Variants in CELSR1 observed in about 807,000 individuals in gnomAD.
CELSR1 encodes cadherin EGF LAG seven-pass G-type receptor 1, also known as adhesion G protein-coupled receptor C1.
A neutral mutation model predicts 249.1 loss-of-function variants in CELSR1; 110 were observed. The observed-to-expected ratio is 0.44, with a 90% CI of 0.38 to 0.52. The LOEUF (loss-of-function observed/expected upper bound fraction) is 0.52. CELSR1 is among the 20% of genes least tolerant of loss of function. The pLI is 0.00. For missense variants in CELSR1, 4,109 were observed against 4,296.4 expected (o/e 0.96, Z 1.22); for synonymous variants, 2,113 against 1,900.0 (o/e 1.11, Z -2.92).
At chr22:46,385,884 A>G (rs1055134267) in intron 19 of CELSR1, among the ~76,000 whole-genome samples, 23 of 150,854 alleles carry the variant, frequency 1.5e-4, no homozygotes, top group African/African-American at 4.2e-4. Flanking sequence ...TCACCATGTT[A>G]GCCAGGATGG....
chr22:46,467,963 A>G (rs6007918), intron 1 of CELSR1, among the ~76,000 whole-genome samples: 7,419 of 152,180 alleles, frequency 0.049, 511 homozygotes, highest in African/African-American at 0.15. Flanking sequence ...ATTAGCATGT[A>G]CCGTTTGGGT....
At position 46,386,431 on chromosome 22, in the gene CELSR1, C is replaced by G. The variant is rs757607681; in HGVS notation, c.6710G>C (p.Arg2237Pro). 6.3e-7 allele frequency: 1 copy of G among 1,591,702 alleles called. No individual in the cohort carries two copies. ...VARNVRRTYL[R>P]PFVIVTANMI... Reference sequence around the variant, plus strand: ...GTTGGCGGTGACGATGACGAAGGGCCGCAGGTACGTCCGCCGCACGTTGCG... The same window carrying G: ...GTTGGCGGTGACGATGACGAAGGGCGGCAGGTACGTCCGCCGCACGTTGCG... Residue 2237 changes from arginine (R) to proline (P), a missense_variant, in exon 19 of 35, where the codon CGG (arginine) becomes CCG (proline). By Grantham distance (103) the Arg-to-Pro change is moderately radical. Coordinates refer to ENST00000674500, the MANE Select transcript of CELSR1 (RefSeq NM_001378328.1).
At chr22:46,370,187 G>T (rs1370602800) in intron 25 of CELSR1, 1 of 461,002 alleles carries the variant, frequency 2.2e-6, no homozygotes, top group South Asian at 1.6e-5. Context: ...GGCCATGATG[G>T]ACCCAAGGTG....
rs112253174 is a variant in CELSR1, at chr22:46,455,580, C to T, written c.4183+8127G>A. On this transcript the variant is annotated intron_variant, in intron 2 of 34. Coordinates refer to ENST00000674500, the MANE Select transcript of CELSR1 (RefSeq NM_001378328.1). Reference sequence around the variant, plus strand: ...CCACCCAAAGTGCTGGGATTTCAGGCGTGAACCACTGCACTTGGCTTGAGA... The same window carrying T: ...CCACCCAAAGTGCTGGGATTTCAGGTGTGAACCACTGCACTTGGCTTGAGA... 7.3e-3 allele frequency among the ~76,000 whole-genome samples: 1,119 copies of T among 152,248 alleles called. 11 individuals carry two copies. The highest frequency in any genetic ancestry group is 0.025 in the African/African-American group (1,046 of 41,556).
chr22:46,439,624 T>C (rs765161661), intron 2 of CELSR1, among the ~76,000 whole-genome samples: 2 of 152,064 alleles, frequency 1.3e-5, no homozygotes, highest in South Asian at 4.1e-4. Flanking sequence ...TGCACCCAGC[T>C]CCTGGTGGGC....
chr22:46,396,639 C>A lies in CELSR1; in HGVS notation c.5809G>T (p.Gly1937Trp). 1 of 1,608,116 alleles carries A rather than the reference C, an allele frequency of 6.2e-7. No homozygotes were observed. The highest frequency in any genetic ancestry group is 8.5e-7 in the Non-Finnish European group (1 of 1,177,230). The change falls in exon 13 of 35, where the codon GGG (glycine) becomes TGG (tryptophan). Residue 1937 changes from glycine to tryptophan, a missense_variant. Gly to Trp is a radical substitution (Grantham distance 184). This residue lies in a region of CELSR1 where 1,805 missense variants were observed against 1,831.6 expected (regional missense o/e 0.99). Transcript: ENST00000674500. The surrounding 1 kb of genome is among the most constrained non-coding windows in gnomAD (Gnocchi z 6.4). Reference protein sequence around the residue: ...GSPQGYVCECGPSHYGPYCEN... With the variant: ...GSPQGYVCECWPSHYGPYCEN... ...CAGTACGGCCCGTAGTGACTGGGCCCACACTCGCACACGTAGCCCTGCGGG... is the reference window on the plus strand; with the variant it reads ...CAGTACGGCCCGTAGTGACTGGGCCAACACTCGCACACGTAGCCCTGCGGG...
In CELSR1 at chr22:46,396,796, C is replaced by T; in HGVS notation, c.5702-50G>A. 1.3e-6 allele frequency: 2 copies of T among 1,589,910 alleles called. No individual in the cohort carries two copies. The highest frequency in any genetic ancestry group is 1.7e-6 in the Non-Finnish European group (2 of 1,168,252). ...CTCCACCCACAATCCACGAGACCTT[C>T]CACGTTAAAATATCTGGAGCAACCT... On this transcript the variant is annotated intron_variant, in intron 12 of 34. Transcript: ENST00000674500. This position sits in a 1 kb window ranked among gnomAD's most constrained non-coding sequence, Gnocchi z 6.4.
Position 46,380,951 on chromosome 22 carries a change from G to A in CELSR1, c.7093C>T (p.Pro2365Ser), listed in dbSNP as rs147860966. 3.1e-6 allele frequency: 5 copies of A among 1,611,682 alleles called. No homozygotes were observed. The African/African-American group carries it at 5.3e-5, about 17-fold the overall frequency. Residue 2365 changes from proline (P) to serine (S), a missense_variant, in exon 22 of 35, where the codon CCT becomes TCT. By Grantham distance (74) the Pro-to-Ser change is moderately conservative. This residue lies in a region of CELSR1 where 1,805 missense variants were observed against 1,831.6 expected (regional missense o/e 0.99). Transcript: ENST00000674500. The surrounding 1 kb of genome is among the most constrained non-coding windows in gnomAD (Gnocchi z 5.1). ...YDPDRRSLRL[P>S]HRPIINTPMV... ...GGGGTATTAATGATGGGCCGGTGAG[G>A]CAACCTGAGGTCAAGAAGCCAGAGC...
rs184789127 is a variant in CELSR1 at position 46,407,397 on chromosome 22, A to T, written c.5226+1599T>A. ...GTAATCCCAGCACTTTGGGAGGCGG[A>T]GGCGAGTGGATCACCTGAGGTCAGG... On this transcript the variant is annotated intron_variant, in intron 9 of 34. Transcript: ENST00000674500. This position sits in a 1 kb window ranked among gnomAD's most constrained non-coding sequence, Gnocchi z 4.8. 2.0e-5 allele frequency among the ~76,000 whole-genome samples: 3 copies of T among 152,308 alleles called. No homozygotes were observed. The highest frequency in any genetic ancestry group is 2.0e-4 in the Admixed American group (3 of 15,300).
At position 46,413,979 on chromosome 22, in the gene CELSR1, C is replaced by G. The variant is rs1204210183; in HGVS notation, c.4612-2220G>C. On this transcript the variant is annotated intron_variant, in intron 5 of 34. Coordinates refer to ENST00000674500, the MANE Select transcript of CELSR1 (RefSeq NM_001378328.1). This position sits in a 1 kb window ranked among gnomAD's most constrained non-coding sequence, Gnocchi z 4.7. ...CTGGGAAGGCTTTCATGACATTAAG[C>G]TACTGTTTACAAAACTGCAGTTGCT... Among the ~76,000 whole-genome samples the G allele has an allele frequency of 6.6e-6, 1 of 152,186 alleles. No individual in the cohort carries two copies. The highest frequency in any genetic ancestry group is 2.4e-5 in the African/African-American group (1 of 41,438).
Position 46,445,454 on chromosome 22 carries a change from C to A in CELSR1, c.4184-6043G>T, listed in dbSNP as rs144857489. Among the ~76,000 whole-genome samples, 4 of 152,258 alleles carry A rather than the reference C, an allele frequency of 2.6e-5. No homozygotes were observed. Among genetic ancestry groups the A allele is most frequent in the African/African-American group, 9.6e-5 (4 of 41,536 alleles). ...GATTGCGGTGAACCAAAAATTGCAC[C>A]ATTGCACTCCAGCCTGGGTGACAGA... On this transcript the variant is annotated intron_variant, in intron 2 of 34. Transcript: ENST00000674500. The surrounding 1 kb of genome is among the most constrained non-coding windows in gnomAD (Gnocchi z 4.4).
rs185332037 is a variant in CELSR1 at position 46,385,879 on chromosome 22, A to G, written c.6739+523T>C. ...TTTTTAGTAGAGACGGGGTTTCACCATGTTAGCCAGGATGGTCTTGATCTC... is the reference window on the plus strand; with the variant it reads ...TTTTTAGTAGAGACGGGGTTTCACCGTGTTAGCCAGGATGGTCTTGATCTC... On this transcript the variant is annotated intron_variant, in intron 19 of 34. Transcript: ENST00000674500. Among the ~76,000 whole-genome samples, 538 of 151,140 alleles carry G rather than the reference A, an allele frequency of 3.6e-3. 2 individuals carry two copies. The highest frequency in any genetic ancestry group is 0.014 in the Middle Eastern group (4 of 290).
intron 2 of CELSR1, among the ~76,000 whole-genome samples, chr22:46,456,907 G>A (rs1428371609): frequency 8.4e-6 from 1 of 119,194 alleles, no homozygotes; most frequent in Non-Finnish European, 1.6e-5. Context: ...GGGGGGTGGG[G>A]GGCTCATACA....
Position 46,410,453 on chromosome 22 carries a change from G to C in CELSR1, c.4878C>G (p.Val1626=). The change falls in exon 7 of 35, where the codon GTC becomes GTG. Residue 1626 remains valine (V), a synonymous_variant. Coordinates refer to ENST00000674500, the MANE Select transcript of CELSR1 (RefSeq NM_001378328.1). This position sits in a 1 kb window ranked among gnomAD's most constrained non-coding sequence, Gnocchi z 6.8. ...QFVGCMRNLS[V]DGKNVDMAGF... is the part of the protein sequence containing the mutation. ...CGGCCATGTCCACATTTTTGCCGTC[G>C]ACTGACAGGTTCCGCATGCAGCCCA... The C allele has an allele frequency of 6.2e-7, 1 of 1,614,052 alleles. No homozygotes were observed. The highest frequency in any genetic ancestry group is 8.5e-7 in the Non-Finnish European group (1 of 1,180,012).
At chr22:46,523,479 G>C (rs1408249445) in intron 1 of CELSR1, among the ~76,000 whole-genome samples, 1 of 151,972 alleles carries the variant, frequency 6.6e-6, no homozygotes, top group Non-Finnish European at 1.5e-5. Context: ...AGTGGGCTGA[G>C]ATTGCACCAC....
In CELSR1 at chr22:46,363,027, A is replaced by G; in HGVS notation, c.*196T>C. 8.5e-7 allele frequency: 1 copy of G among 1,170,268 alleles called. No individual in the cohort carries two copies. Among genetic ancestry groups the G allele is most frequent in the Non-Finnish European group, 1.2e-6 (1 of 814,244 alleles). The allele number at this position is 1,170,268 out of a possible 1,614,324, so 72.5% of individuals were successfully genotyped here. A position where few individuals can be genotyped will look rare whatever the true frequency, so the allele number is the denominator to read the frequency against. On this transcript the variant is annotated 3_prime_UTR_variant, in exon 35 of 35. Transcript: ENST00000674500. The surrounding 1 kb of genome is among the most constrained non-coding windows in gnomAD (Gnocchi z 4.3). ...CTGACAGGCCCTGAGCTCCTGGGAG[A>G]ACCAAGACCTTTGTGTCTGGATGAT...
intron 1 of CELSR1, among the ~76,000 whole-genome samples, chr22:46,483,118 T>G (rs1459606114): frequency 1.3e-5 from 2 of 152,192 alleles, no homozygotes; most frequent in Non-Finnish European, 2.9e-5. Flanking sequence ...AAAGCCTATT[T>G]TAGCAAGGAT....
intron 32 of CELSR1, 65 bp from the exon 33 acceptor site, chr22:46,364,801 C>A: frequency 6.7e-7 from 1 of 1,497,398 alleles, no homozygotes. Flanking sequence ...CCTTGAGAGC[C>A]ATGGGTCTGG....
intron 2 of CELSR1, among the ~76,000 whole-genome samples, chr22:46,444,415 C>G (rs1173102245): frequency 6.6e-6 from 1 of 152,178 alleles, no homozygotes; most frequent in Non-Finnish European, 1.5e-5. Flanking sequence ...GTCCTGCCCC[C>G]GAGGGGGGCA....
Sources: allele counts gnomAD v4.1 joint callset (sites outside exome capture counted in the v4.1 genomes callset), GRCh38; gene constraint gnomAD v4.1.1; regional missense constraint gnomAD v4.1.1; non-coding constraint Gnocchi (gnomAD v3.1); transcripts MANE v1.5; gene names NCBI Gene and HGNC (gene_info 2026-07-23, HGNC 2026-07-21).